PSD3: variants seen among roughly 807,000 people sequenced by gnomAD.
The protein encoded by PSD3 is pleckstrin and Sec7 domain containing 3.
Under a neutral mutation model 105.5 loss-of-function variants are expected in PSD3, and 49 were observed. The ratio of observed to expected loss-of-function variants is 0.46; its 90% CI spans 0.37 to 0.59. PSD3 has a LOEUF of 0.59. Ranked by LOEUF, PSD3 falls within the 20% of genes least tolerant of loss-of-function variation. The probability of loss-of-function intolerance (pLI) is 0.00; values close to 1 mark genes in which losing one functional copy is unlikely to be tolerated. For missense variants in PSD3, 1,561 were observed against 1,263.8 expected (o/e 1.24, Z -3.57); for synonymous variants, 557 against 457.8 (o/e 1.22, Z -2.77).
At position 18,847,377 on chromosome 8, in the gene PSD3, G is replaced by A. The variant is rs189105381; in HGVS notation, c.1634+20297C>T. On this transcript the variant is annotated intron_variant, in intron 4 of 15. Transcript: ENST00000327040. ...TGCAAAACGTCAAGCTGTGTAGGCA[G>A]CCCAGGAAGACTGCAAACCAGCCAA... 6.5e-4 allele frequency among the ~76,000 whole-genome samples: 99 copies of A among 152,260 alleles called. 2 individuals carry two copies. In the East Asian group the frequency reaches 0.018, roughly 27 times the overall value.
At chr8:19,065,400 C>CTATCTACCT (rs1563540397) in intron 1 of PSD3, among the ~76,000 whole-genome samples, 2 of 152,098 alleles carry the variant, frequency 1.3e-5, no homozygotes, top group Non-Finnish European at 2.9e-5. Context: ...CTGGAGATAG[C>CTATCTACCT]GTCAGATCCC....
chr8:18,634,479 A>G (rs1357764334), intron 10 of PSD3, among the ~76,000 whole-genome samples: 2 of 152,168 alleles, frequency 1.3e-5, no homozygotes, highest in Non-Finnish European at 2.9e-5. Context: ...TAAGTTTAAT[A>G]CAATGAATTA....
chr8:18,890,394 T>C (rs187178524), intron 2 of PSD3, among the ~76,000 whole-genome samples: 19 of 152,268 alleles, frequency 1.2e-4, no homozygotes, highest in South Asian at 4.1e-4. Flanking sequence ...TCAAGCTTAA[T>C]CTAGAGAGAA....
chr8:18,914,964 T>C (rs966245163), intron 2 of PSD3, among the ~76,000 whole-genome samples: 2 of 152,064 alleles, frequency 1.3e-5, no homozygotes, highest in Non-Finnish European at 1.5e-5. Context: ...TACGAAACTA[T>C]GGTAACCAAA....
chr8:18,954,646 G>T (rs906494886), intron 1 of PSD3, among the ~76,000 whole-genome samples: 1 of 152,134 alleles, frequency 6.6e-6, no homozygotes, highest in Non-Finnish European at 1.5e-5. Context: ...GATGCACAAA[G>T]TAACATCCTG....
rs182453412 is a variant in PSD3 at position 19,060,785 on chromosome 8, G to A, written c.324+23421C>T. Among the ~76,000 whole-genome samples, 9 of 152,314 alleles carry A rather than the reference G, an allele frequency of 5.9e-5. No individual in the cohort carries two copies. The East Asian group carries it at 1.5e-3, about 26-fold the overall frequency. On this transcript the variant is annotated intron_variant, in intron 1 of 1. Coordinates refer to the PSD3 transcript ENST00000521475. The stretch of plus-strand genomic sequence containing the variant: ...TCTTTATGATTCCCTCAATTATAAA[G>A]TTAGCTGAAGGGGGAAAGAAGGAAC...
At chr8:18,643,040 G>T (rs1807767900) in intron 10 of PSD3, among the ~76,000 whole-genome samples, 1 of 152,176 alleles carries the variant, frequency 6.6e-6, no homozygotes. Flanking sequence ...AGTCCATTTT[G>T]TGTTGCTAAA....
intron 8 of PSD3, among the ~76,000 whole-genome samples, chr8:18,780,030 C>G (rs546842853): frequency 6.6e-6 from 1 of 152,160 alleles, no homozygotes; most frequent in East Asian, 1.9e-4. Flanking sequence ...GTTGAAGACA[C>G]CTAATCTGAT....
chr8:18,583,621 C>A (rs2130432349), intron 12 of PSD3, among the ~76,000 whole-genome samples: 1 of 152,244 alleles, frequency 6.6e-6, no homozygotes, highest in Non-Finnish European at 1.5e-5. Flanking sequence ...TCTGAGTTCC[C>A]TTATATGACT....
rs150509253 is a variant in PSD3, at chr8:18,808,318, G to T, written c.1635-3420C>A. ...GCTCATTTCCCAGGGAAAATTCATG[G>T]CATTTATTTAATCATTCTGTGCAAA... On this transcript the variant is annotated intron_variant, in intron 4 of 15. Coordinates refer to ENST00000327040, the MANE Select transcript of PSD3 (RefSeq NM_015310.4). Among the ~76,000 whole-genome samples the T allele has an allele frequency of 1.9e-3, 293 of 152,232 alleles. 8 individuals carry two copies. The highest frequency in any genetic ancestry group is 0.018 in the Admixed American group (276 of 15,286).
chr8:18,803,162 C>A, intron 6 of PSD3: 1 of 248,770 alleles, frequency 4.0e-6, no homozygotes, highest in Non-Finnish European at 8.2e-6. Flanking sequence ...TGGTGCGTAC[C>A]TGTAGTCCCA....
intron 4 of PSD3, among the ~76,000 whole-genome samples, chr8:18,838,597 C>G (rs1814338510): frequency 6.6e-6 from 1 of 151,796 alleles, no homozygotes; most frequent in Admixed American, 6.6e-5. Flanking sequence ...GTCAGGAGCT[C>G]AAGACCATCC....
chr8:18,937,881 C>A (rs964306201), intron 1 of PSD3, among the ~76,000 whole-genome samples: 18 of 152,068 alleles, frequency 1.2e-4, no homozygotes, highest in Non-Finnish European at 7.4e-5. Flanking sequence ...ATATGACAGG[C>A]TGGGGAAGGT....
intron 14 of PSD3, 31 bp from the exon 15 acceptor site, chr8:18,556,383 C>CCAA: frequency 1.5e-6 from 2 of 1,349,402 alleles, no homozygotes; most frequent in Non-Finnish European, 2.0e-6. Flanking sequence ...ATTTAGCGTT[C>CCAA]AAAAAAAAAA....
At chr8:18,632,928 CATG>C in intron 10 of PSD3, 122 bp from the exon 11 acceptor site, 1 of 738,976 alleles carries the variant, frequency 1.4e-6, no homozygotes, top group Non-Finnish European at 2.1e-6. Context: ...TAACCACCAC[CATG>C]ATAATGACAG....
chr8:18,824,672 A>G (rs1813032642), intron 4 of PSD3, among the ~76,000 whole-genome samples: 1 of 152,252 alleles, frequency 6.6e-6, no homozygotes, highest in Non-Finnish European at 1.5e-5. Context: ...ACACTTTATT[A>G]TCTATGGTAA....
chr8:18,652,182 T>C (rs757093389), intron 10 of PSD3, among the ~76,000 whole-genome samples: 16 of 152,068 alleles, frequency 1.1e-4, no homozygotes, highest in Admixed American at 3.3e-4. Context: ...GAGCGCTAAG[T>C]GCCAGCAGAA....
chr8:19,053,805 T>C (rs2094721050), intron 1 of PSD3, among the ~76,000 whole-genome samples: 1 of 152,374 alleles, frequency 6.6e-6, no homozygotes, highest in African/African-American at 2.4e-5. Context: ...TTTTCTGTTT[T>C]GTTCACTGCA....
At chr8:18,799,647 G>A (rs112646223) in intron 7 of PSD3, among the ~76,000 whole-genome samples, 2 of 152,128 alleles carry the variant, frequency 1.3e-5, no homozygotes, top group South Asian at 4.1e-4. Context: ...GGCTTCTAGG[G>A]CTTTGCACTA....
Sources: allele counts gnomAD v4.1 joint callset (sites outside exome capture counted in the v4.1 genomes callset), GRCh38; gene constraint gnomAD v4.1.1; transcripts MANE v1.5; gene names NCBI Gene and HGNC (gene_info 2026-07-23, HGNC 2026-07-21).